Variants in RCN1 observed in about 807,000 individuals in gnomAD.
RCN1 encodes reticulocalbin-1.
RCN1 carries 14 observed loss-of-function variants against 34.7 expected under a neutral mutation model. That is an observed-to-expected ratio of 0.40 (90% CI 0.27 to 0.63). The LOEUF (loss-of-function observed/expected upper bound fraction) is 0.63, where lower values mean the gene tolerates loss of function less well. Among genes scored for constraint, RCN1 ranks in the 30% least tolerant of loss-of-function variants. The pLI, the probability that RCN1 is intolerant of heterozygous loss-of-function variation, is 0.37. For synonymous variants in RCN1, 125 were observed against 165.5 expected, an observed-to-expected ratio of 0.76 and a Z score of 1.88; for missense variants, 326 against 425.1, an observed-to-expected ratio of 0.77 and a Z score of 2.05.
chr11:32,091,647 C>A, intron 1 of RCN1, 197 bp downstream of exon 1: 1 of 607,614 alleles, frequency 1.6e-6, no homozygotes, highest in Non-Finnish European at 2.6e-6. Context: ...TGGAGATCGC[C>A]GCCGCCGCGC....
chr11:32,101,889 G>C (rs1852047857), intron 4 of RCN1: 1 of 152,220 alleles, frequency 6.6e-6, no homozygotes, highest in South Asian at 2.1e-4. Context: ...TAGTGCTTTT[G>C]ATTGAAAGTG....
intron 1 of RCN1, 124 bp downstream of exon 1, chr11:32,091,574 G>A: frequency 7.8e-7 from 1 of 1,280,008 alleles, no homozygotes; most frequent in African/African-American, 1.6e-5. Context: ...TCGAGGATGG[G>A]GCCCTGCCCA....
chr11:32,095,470 T>C (rs1565349914), intron 1 of RCN1, among the ~76,000 whole-genome samples: 3 of 152,030 alleles, frequency 2.0e-5, no homozygotes, highest in South Asian at 2.1e-4. Flanking sequence ...TGCAGTGGCG[T>C]GATCTCGGCT....
At chr11:32,096,524 C>T (rs1480463936) in intron 1 of RCN1, 2 of 152,154 alleles carry the variant, frequency 1.3e-5, no homozygotes, top group African/African-American at 4.8e-5. Flanking sequence ...CTCCTTCAGC[C>T]CTGACATTTG....
At chr11:32,094,803 A>G (rs1323202316) in intron 1 of RCN1, among the ~76,000 whole-genome samples, 1 of 152,198 alleles carries the variant, frequency 6.6e-6, no homozygotes, top group African/African-American at 2.4e-5. Context: ...TCACGCAGAT[A>G]ATGGGGACCA....
chr11:32,092,077 G>C (rs1208776560), intron 1 of RCN1, among the ~76,000 whole-genome samples: 1 of 151,776 alleles, frequency 6.6e-6, no homozygotes, highest in Non-Finnish European at 1.5e-5. Flanking sequence ...GGGGGGAGGG[G>C]TGGGGAGATC....
chr11:32,091,248 C>G lies in RCN1; in HGVS notation c.52C>G (p.Leu18Val), dbSNP rs891196060. Residue 18 changes from leucine to valine, a missense_variant, in exon 1 of 6, where the codon CTG becomes GTG. Physicochemically the swap from Leu to Val is conservative, Grantham distance 32 (BLOSUM62 1). Coordinates refer to ENST00000054950, the MANE Select transcript of RCN1 (RefSeq NM_002901.4). ...RRLGLALGLL[L>V]ALVLAPRVLR... ...CCTGGGGTTAGCCCTGGGGCTGCTG[C>G]TGGCGCTGGTGCTGGCGCCGCGGGT... 6.5e-7 allele frequency: 1 copy of G among 1,533,466 alleles called. No homozygotes were observed. The highest frequency in any genetic ancestry group is 1.2e-5 in the South Asian group (1 of 82,028). The allele number at this position is 1,533,466 out of a possible 1,614,324, so 95.0% of individuals were successfully genotyped here. A position where few individuals can be genotyped will look rare whatever the true frequency, so the allele number is the denominator to read the frequency against.
In RCN1 at chr11:32,100,566, G is replaced by A. The variant is rs777875106; in HGVS notation, c.646G>A (p.Asp216Asn). Reference protein sequence around the residue: ...IVVLETLEDIDKNGDGFVDQD... With the variant: ...IVVLETLEDINKNGDGFVDQD... ...TTCCTAGGAAACCCTGGAGGACATC[G>A]ACAAGAACGGGGATGGGTTTGTGGA... is the stretch of plus-strand genomic sequence containing the variant. The change falls in exon 4 of 6, where the codon GAC becomes AAC. Residue 216 changes from aspartate (D) to asparagine (N), a missense_variant. Coordinates refer to ENST00000054950, the MANE Select transcript of RCN1 (RefSeq NM_002901.4). 19 of 1,613,892 alleles carry A rather than the reference G, an allele frequency of 1.2e-5. No individual in the cohort carries two copies. Among genetic ancestry groups the A allele is most frequent in the East Asian group, 2.2e-5 (1 of 44,890 alleles).
At position 32,105,567 on chromosome 11, in the gene RCN1, G is replaced by A. The variant is rs527411688; in HGVS notation, c.*1095G>A. ...GTGTCCTGTGGTGTTTGACTTCACA[G>A]ATGCTATTTGTGACATTATTCATAT... On this transcript the variant is annotated 3_prime_UTR_variant, in exon 6 of 6. Transcript: ENST00000054950. The A allele has an allele frequency of 6.6e-6, 1 of 152,198 alleles. No homozygotes were observed. The highest frequency in any genetic ancestry group is 1.5e-5 in the Non-Finnish European group (1 of 68,040). The allele number at this position is 152,198 out of a possible 1,614,324, so 9.4% of individuals were successfully genotyped here. A position where few individuals can be genotyped will look rare whatever the true frequency, so the allele number is the denominator to read the frequency against.
At chr11:32,091,823 C>T (rs778102297) in intron 1 of RCN1, 33 of 251,412 alleles carry the variant, frequency 1.3e-4, no homozygotes, top group Non-Finnish European at 2.2e-4. Flanking sequence ...AGTTCCTCCC[C>T]ACTCTCTCGC....
At chr11:32,096,939 T>G in intron 1 of RCN1, 1 of 502,616 alleles carries the variant, frequency 2.0e-6, no homozygotes. Context: ...TCAGCACTGG[T>G]TGGGGGAAAG....
At chr11:32,102,916 G>A in intron 4 of RCN1, 2 of 441,202 alleles carry the variant, frequency 4.5e-6, no homozygotes, top group East Asian at 6.7e-5. Flanking sequence ...TGTAGTGCCA[G>A]TTTGGGTTGT....
chr11:32,102,932 G>A (rs1478347560), intron 4 of RCN1: 1 of 452,188 alleles, frequency 2.2e-6, no homozygotes, highest in African/African-American at 2.0e-5. Flanking sequence ...GTTGTAGAGG[G>A]CTTTTACATC....
intron 3 of RCN1, 151 bp from the exon 4 acceptor site, chr11:32,100,397 G>A: frequency 1.6e-6 from 1 of 640,856 alleles, no homozygotes; most frequent in Non-Finnish European, 2.8e-6. Flanking sequence ...GTTTTTTACA[G>A]ATAAAAAACT....
chr11:32,103,961 A>G (rs111973965), intron 5 of RCN1, among the ~76,000 whole-genome samples: 3 of 152,330 alleles, frequency 2.0e-5, no homozygotes, highest in African/African-American at 7.2e-5. Context: ...AAACAAATCA[A>G]TACATTTAGA....
At chr11:32,091,898 G>A (rs1236885187) in intron 1 of RCN1, 2 of 183,614 alleles carry the variant, frequency 1.1e-5, no homozygotes, top group East Asian at 3.6e-4. Flanking sequence ...AAAATCTCAG[G>A]GATGAACATA....
chr11:32,091,944 G>T (rs756573898), intron 1 of RCN1: 21 of 163,008 alleles, frequency 1.3e-4, no homozygotes, highest in South Asian at 1.0e-3. Flanking sequence ...CGAGCGACAG[G>T]CTTGCTTCCT....
intron 5 of RCN1, among the ~76,000 whole-genome samples, chr11:32,104,077 A>AG (rs1433348320): frequency 7.2e-5 from 11 of 152,204 alleles, no homozygotes; most frequent in African/African-American, 2.7e-4. Flanking sequence ...GGCATTCTTG[A>AG]GGGCCTATTT....
At chr11:32,096,635 A>G (rs1393838745) in intron 1 of RCN1, 1 of 152,348 alleles carries the variant, frequency 6.6e-6, no homozygotes, top group Admixed American at 6.5e-5. Context: ...TTTGATTTAC[A>G]TACAGTTTCC....
Sources: gnomAD v4.1 joint callset for allele counts (sites outside exome capture counted in the v4.1 genomes callset) on GRCh38, gnomAD v4.1.1 for gene constraint, MANE v1.5 for transcripts, NCBI Gene and HGNC (gene_info 2026-07-23, HGNC 2026-07-21) for gene names.